The following EBF3 variants were observed in gnomAD, a reference collection of about 807,000 sequenced individuals.
EBF3 encodes transcription factor COE3.
A neutral mutation model predicts 77.1 loss-of-function variants in EBF3; 18 were observed. The observed-to-expected ratio is 0.23, with a 90% confidence interval of 0.16 to 0.35. The LOEUF (loss-of-function observed/expected upper bound fraction) is 0.35. EBF3 is among the 10% of genes least tolerant of loss of function. The pLI is 1.00. For synonymous variants in EBF3, 350 were observed against 343.5 expected, an observed-to-expected ratio of 1.02 and a Z score of -0.21; for missense variants, 558 against 860.0, an observed-to-expected ratio of 0.65 and a Z score of 4.39.
At chr10:129,838,223 G>GGGAA (rs1252987531) in intron 16 of EBF3, among the ~76,000 whole-genome samples, 1 of 152,248 alleles carries the variant, frequency 6.6e-6, no homozygotes, top group Non-Finnish European at 1.5e-5. Context: ...TTTTGGAAAA[G>GGGAA]GGAAGGGCTC....
intron 6 of EBF3, among the ~76,000 whole-genome samples, chr10:129,934,782 C>T (rs1022113741): frequency 6.6e-6 from 1 of 152,156 alleles, no homozygotes; most frequent in African/African-American, 2.4e-5. Context: ...ATCTGAGCTG[C>T]TCCACCCACA....
chr10:129,855,879 C>T (rs1356220931), intron 10 of EBF3, among the ~76,000 whole-genome samples: 7 of 152,184 alleles, frequency 4.6e-5, no homozygotes, highest in Admixed American at 4.6e-4. Flanking sequence ...ACCCTCTGAG[C>T]AATGGATTTG....
chr10:129,957,968 T>C (rs1177776968), intron 5 of EBF3, among the ~76,000 whole-genome samples: 1 of 152,256 alleles, frequency 6.6e-6, no homozygotes, highest in Non-Finnish European at 1.5e-5. Context: ...AGGCAAAGTA[T>C]ATAAAGCCTT....
At chr10:129,909,993 C>T (rs1855410039) in intron 6 of EBF3, among the ~76,000 whole-genome samples, 1 of 152,252 alleles carries the variant, frequency 6.6e-6, no homozygotes, top group South Asian at 2.1e-4. Context: ...TCGGGCTCTG[C>T]TCAGCGCCGA....
At chr10:129,859,139 G>A (rs1048950188) in intron 10 of EBF3, among the ~76,000 whole-genome samples, 1 of 152,184 alleles carries the variant, frequency 6.6e-6, no homozygotes, top group Non-Finnish European at 1.5e-5. Context: ...AGTCCACATC[G>A]CTGACAGACA....
chr10:129,871,356 G>A (rs777866678), intron 8 of EBF3, among the ~76,000 whole-genome samples: 2 of 152,210 alleles, frequency 1.3e-5, no homozygotes, highest in East Asian at 1.9e-4. Context: ...CTTTTTGTGA[G>A]CTCAAAGGAC....
intron 6 of EBF3, among the ~76,000 whole-genome samples, chr10:129,921,208 C>T (rs1856276311): frequency 6.7e-6 from 1 of 149,362 alleles, no homozygotes; most frequent in South Asian, 2.2e-4. Context: ...TCGCAGTGGG[C>T]AAGGGGTCCC....
chr10:129,948,292 G>A (rs1858394895), intron 6 of EBF3, among the ~76,000 whole-genome samples: 3 of 141,838 alleles, frequency 2.1e-5, no homozygotes, highest in Non-Finnish European at 3.0e-5. Context: ...AAAAGCAGCA[G>A]CAGCTAGCCT....
chr10:129,963,236 C>T lies in EBF3; in HGVS notation c.291+131G>A. 7.5e-7 allele frequency: 1 copy of T among 1,328,170 alleles called. No homozygotes were observed. Among genetic ancestry groups the T allele is most frequent in the Non-Finnish European group, 9.9e-7 (1 of 1,014,062 alleles). The allele number at this position is 1,328,170 out of a possible 1,614,324, so 82.3% of individuals were successfully genotyped here. ...CCCTCGGCGGTCCCGGGCGGCCGCA[C>T]GTGGCGGCGGCGGGGTGGCCTGGCG... On this transcript the variant is annotated intron_variant, in intron 2 of 16. Transcript: ENST00000440978. This position sits in a 1 kb window ranked among gnomAD's most constrained non-coding sequence, Gnocchi z 7.1.
chr10:129,864,769 C>T lies in EBF3; in HGVS notation c.1039+2372G>A, dbSNP rs578145070. Among the ~76,000 whole-genome samples, 12 of 152,332 alleles carry T rather than the reference C, an allele frequency of 7.9e-5. No homozygotes were observed. Among genetic ancestry groups the T allele is most frequent in the South Asian group, 4.1e-4 (2 of 4,830 alleles). The stretch of plus-strand genomic sequence containing the variant: ...CAGGAGCCCACCCCTGCCATGTGCC[C>T]GCCGAAGCTCAGGTGCTGCTCCATG... On this transcript the variant is annotated intron_variant, in intron 10 of 16. Coordinates refer to ENST00000440978, the MANE Select transcript of EBF3 (RefSeq NM_001375380.1). The surrounding 1 kb of genome is among the most constrained non-coding windows in gnomAD (Gnocchi z 4.4).
In EBF3 at chr10:129,840,827, C is replaced by T. The variant is rs199755898; in HGVS notation, c.1561+17G>A. 1 of 1,606,660 alleles carries T rather than the reference C, an allele frequency of 6.2e-7. No homozygotes were observed. The highest frequency in any genetic ancestry group is 1.7e-5 in the Admixed American group (1 of 59,536). On this transcript the variant is annotated intron_variant, in intron 14 of 16. Transcript: ENST00000440978. ...TATGAATCTGCGTGATGACGTGTGA[C>T]AAAAACAGACACTTACTGCCGTAGG...
At chr10:129,951,720 G>A (rs1237474900) in intron 6 of EBF3, among the ~76,000 whole-genome samples, 2 of 152,276 alleles carry the variant, frequency 1.3e-5, no homozygotes, top group East Asian at 3.9e-4. Context: ...GACCACGCAA[G>A]CTGTGACACA....
chr10:129,882,878 C>T (rs541610781), intron 6 of EBF3, among the ~76,000 whole-genome samples: 1 of 152,348 alleles, frequency 6.6e-6, no homozygotes, highest in South Asian at 2.1e-4. Context: ...CACCGCCTTC[C>T]CTGCCGCTGT....
At chr10:129,939,150 A>T (rs1456912629) in intron 6 of EBF3, among the ~76,000 whole-genome samples, 1 of 152,214 alleles carries the variant, frequency 6.6e-6, no homozygotes, top group Admixed American at 6.5e-5. Context: ...ACAGCCTTCA[A>T]CTTCTAAGAC....
rs1218551594 is a variant in EBF3 at position 129,885,319 on chromosome 10, C to T, written c.555-7470G>A. On this transcript the variant is annotated intron_variant, in intron 6 of 16. Coordinates refer to ENST00000440978, the MANE Select transcript of EBF3 (RefSeq NM_001375380.1). This position sits in a 1 kb window ranked among gnomAD's most constrained non-coding sequence, Gnocchi z 4.0. Reference sequence around the variant, plus strand: ...TTGTATGACTCGCATTAAACTTTTCCGGGTGGTTTTAATGTGTTCAGATAA... The same window carrying T: ...TTGTATGACTCGCATTAAACTTTTCTGGGTGGTTTTAATGTGTTCAGATAA... Among the ~76,000 whole-genome samples, 3 of 152,240 alleles carry T rather than the reference C, an allele frequency of 2.0e-5. No homozygotes were observed. Among genetic ancestry groups the T allele is most frequent in the East Asian group, 1.9e-4 (1 of 5,176 alleles).
chr10:129,902,458 G>A (rs1305843985), intron 6 of EBF3, among the ~76,000 whole-genome samples: 2 of 151,892 alleles, frequency 1.3e-5, no homozygotes, highest in African/African-American at 2.4e-5. Context: ...AGCATGGCAC[G>A]CTATCTGGGA....
At chr10:129,890,424 G>A (rs746942891) in intron 6 of EBF3, among the ~76,000 whole-genome samples, 1 of 152,220 alleles carries the variant, frequency 6.6e-6, no homozygotes, top group African/African-American at 2.4e-5. Flanking sequence ...GGGCAAATCG[G>A]CAAAGATGAT....
chr10:129,840,895 G>A lies in EBF3; in HGVS notation c.1510C>T (p.Pro504Ser). Residue 504 changes from proline to serine, a missense_variant, in exon 14 of 17, where the codon CCT becomes TCT. Transcript: ENST00000440978. ...CCATTAAGAAATCCAGGCGAGCCAG[G>A]GACCCCTAGACTGGCCATGGCGCCA... ...GSGAMASLGV[P>S]GSPGFLNGSS... 6.2e-7 allele frequency: 1 copy of A among 1,613,930 alleles called. No homozygotes were observed. Among genetic ancestry groups the A allele is most frequent in the South Asian group, 1.1e-5 (1 of 91,032 alleles).
chr10:129,867,726 C>G, intron 9 of EBF3, 56 bp downstream of exon 9: 1 of 1,603,534 alleles, frequency 6.2e-7, no homozygotes, highest in Non-Finnish European at 8.5e-7. Context: ...GACAGCTTGT[C>G]AAATCCATTC....
Sources: allele counts gnomAD v4.1 joint callset (sites outside exome capture counted in the v4.1 genomes callset), GRCh38; gene constraint gnomAD v4.1.1; non-coding constraint Gnocchi (gnomAD v3.1); transcripts MANE v1.5; gene names NCBI Gene and HGNC (gene_info 2026-07-23, HGNC 2026-07-21).